Variants in SYNPR observed in about 807,000 individuals in gnomAD.
The protein encoded by SYNPR is synaptoporin.
Under a neutral mutation model 32.9 loss-of-function variants are expected in SYNPR, and 23 were observed. The observed-to-expected ratio is 0.70, with a 90% CI of 0.50 to 0.99. SYNPR has a LOEUF of 0.99. SYNPR is among the 50% of genes least tolerant of loss of function. The pLI, the probability that SYNPR is intolerant of heterozygous loss-of-function variation, is 0.00. For synonymous variants in SYNPR, 146 were observed against 135.9 expected (o/e 1.07, Z -0.52); for missense variants, 318 against 349.3 (o/e 0.91, Z 0.71).
intron 2 of SYNPR, among the ~76,000 whole-genome samples, chr3:63,359,279 A>G (rs764320474): frequency 2.0e-5 from 3 of 152,150 alleles, no homozygotes; most frequent in Admixed American, 6.6e-5. Flanking sequence ...TTCTCCAAAC[A>G]GGAGACTTTA....
chr3:63,577,004 T>C (rs1380979971), intron 4 of SYNPR, among the ~76,000 whole-genome samples: 1 of 152,092 alleles, frequency 6.6e-6, no homozygotes, highest in East Asian at 1.9e-4. Flanking sequence ...TTTTAATCTC[T>C]GGTCTATACT....
chr3:63,610,882 A>G (rs1161773122), intron 5 of SYNPR, among the ~76,000 whole-genome samples: 1 of 152,192 alleles, frequency 6.6e-6, no homozygotes, highest in Admixed American at 6.5e-5. Context: ...TGAATGAAAA[A>G]CAATGTGATG....
At chr3:63,236,742 C>T (rs1160104383) in intron 1 of SYNPR, among the ~76,000 whole-genome samples, 1 of 152,042 alleles carries the variant, frequency 6.6e-6, no homozygotes, top group Non-Finnish European at 1.5e-5. Context: ...ACTCACTTTC[C>T]AGTTCTAGGA....
At chr3:63,313,351 A>G (rs1179958340) in intron 2 of SYNPR, among the ~76,000 whole-genome samples, 3 of 151,508 alleles carry the variant, frequency 2.0e-5, no homozygotes, top group African/African-American at 4.8e-5. Flanking sequence ...GTAGTCTTTT[A>G]TCCCTCACCC....
intron 3 of SYNPR, among the ~76,000 whole-genome samples, chr3:63,530,330 C>T (rs1309665829): frequency 1.3e-5 from 2 of 152,130 alleles, no homozygotes; most frequent in East Asian, 3.9e-4. Flanking sequence ...GTGGACACTG[C>T]TCCTGGGTGG....
intron 2 of SYNPR, among the ~76,000 whole-genome samples, chr3:63,469,483 T>C (rs762223324): frequency 6.6e-6 from 1 of 152,130 alleles, no homozygotes; most frequent in Non-Finnish European, 1.5e-5. Flanking sequence ...ATATCACAAA[T>C]TTACCCAAGA....
intron 2 of SYNPR, among the ~76,000 whole-genome samples, chr3:63,466,454 GT>G (rs34563762): frequency 2.3e-4 from 33 of 145,754 alleles, no homozygotes; most frequent in Non-Finnish European, 2.3e-4. Flanking sequence ...TTCAGGATTT[GT>G]TTTTTTTTTT....
At chr3:63,429,639 G>T (rs1246789359) in intron 2 of SYNPR, among the ~76,000 whole-genome samples, 1 of 152,196 alleles carries the variant, frequency 6.6e-6, no homozygotes, top group African/African-American at 2.4e-5. Flanking sequence ...TGACATCCTT[G>T]TGTTTTAAAA....
At chr3:63,286,094 A>G (rs2086677794) in intron 2 of SYNPR, among the ~76,000 whole-genome samples, 1 of 152,188 alleles carries the variant, frequency 6.6e-6, no homozygotes, top group Non-Finnish European at 1.5e-5. Flanking sequence ...ACCTCTTTTT[A>G]GCCCCTCTAT....
At chr3:63,553,602 AGCCACCCTGACTGGT>A (rs1254081115) in intron 3 of SYNPR, among the ~76,000 whole-genome samples, 1 of 152,204 alleles carries the variant, frequency 6.6e-6, no homozygotes, top group African/African-American at 2.4e-5. Flanking sequence ...TTTTAAGAAT[AGCCACCCTGACTGGT>A]GTGAGATATT....
intron 1 of SYNPR, among the ~76,000 whole-genome samples, chr3:63,236,620 TATTTG>T (rs1477521653): frequency 1.3e-5 from 2 of 152,138 alleles, no homozygotes; most frequent in Non-Finnish European, 2.9e-5. Flanking sequence ...TATTTCATTG[TATTTG>T]ATTTTAGAGG....
At chr3:63,492,498 T>A (rs1017736549) in intron 3 of SYNPR, among the ~76,000 whole-genome samples, 1 of 152,204 alleles carries the variant, frequency 6.6e-6, no homozygotes, top group African/African-American at 2.4e-5. Context: ...TAAGACTCTT[T>A]GAACCTCGTA....
intron 5 of SYNPR, chr3:63,610,576 A>T (rs56213597): frequency 1.5e-6 from 1 of 683,748 alleles, no homozygotes; most frequent in African/African-American, 1.8e-5. Context: ...CCATGAAAAT[A>T]AGCTCTGCAT....
At chr3:63,401,237 A>G (rs752806765) in intron 2 of SYNPR, among the ~76,000 whole-genome samples, 2 of 152,186 alleles carry the variant, frequency 1.3e-5, no homozygotes, top group Non-Finnish European at 2.9e-5. Context: ...ACAACAAAGT[A>G]AGTACCCAAA....
intron 3 of SYNPR, among the ~76,000 whole-genome samples, chr3:63,508,151 C>T (rs1701625537): frequency 6.6e-6 from 1 of 152,116 alleles, no homozygotes; most frequent in South Asian, 2.1e-4. Context: ...AATAGCATAG[C>T]TCCACCACTA....
At chr3:63,203,692 T>C in the SYNPR span, among the ~76,000 whole-genome samples, 4 of 152,144 alleles carry the variant, frequency 2.6e-5, no homozygotes, top group African/African-American at 9.7e-5. Flanking sequence ...CACTACTGCC[T>C]CATTGCTTAA....
At chr3:63,539,574 A>G (rs1283371285) in intron 3 of SYNPR, among the ~76,000 whole-genome samples, 1 of 152,152 alleles carries the variant, frequency 6.6e-6, no homozygotes, top group Non-Finnish European at 1.5e-5. Flanking sequence ...CCTTGCCCAC[A>G]GTGAAAATAT....
chr3:63,431,357 C>T (rs1025047137), intron 2 of SYNPR, among the ~76,000 whole-genome samples: 1 of 152,124 alleles, frequency 6.6e-6, no homozygotes, highest in Non-Finnish European at 1.5e-5. Flanking sequence ...GAAGTTAAAT[C>T]AGGTGTTACA....
chr3:63,547,825 G>T (rs17069034), intron 3 of SYNPR, among the ~76,000 whole-genome samples: 1 of 152,116 alleles, frequency 6.6e-6, no homozygotes, highest in Admixed American at 6.6e-5. Context: ...AAGTCTCCTT[G>T]CTCCTAAAAT....
Sources: allele counts gnomAD v4.1 joint callset (sites outside exome capture counted in the v4.1 genomes callset), GRCh38; gene constraint gnomAD v4.1.1; transcripts MANE v1.5; gene names NCBI Gene and HGNC (gene_info 2026-07-23, HGNC 2026-07-21).